PXDN: variants seen among roughly 807,000 people sequenced by gnomAD.
PXDN encodes peroxidasin homolog.
Under a neutral mutation model 140.3 loss-of-function variants are expected in PXDN, and 77 were observed. The observed-to-expected ratio is 0.55, with a 90% CI of 0.46 to 0.66. The LOEUF (loss-of-function observed/expected upper bound fraction) is 0.66. PXDN is among the 30% of genes least tolerant of loss of function. The pLI, the probability that PXDN is intolerant of heterozygous loss-of-function variation, is 0.00. For synonymous variants in PXDN, 911 were observed against 857.4 expected (o/e 1.06, Z -1.09); for missense variants, 1,838 against 2,039.5 (o/e 0.90, Z 1.90).
intron 1 of PXDN, among the ~76,000 whole-genome samples, chr2:1,742,074 G>A (rs999729679): frequency 1.3e-5 from 2 of 152,162 alleles, no homozygotes; most frequent in Admixed American, 6.5e-5. Flanking sequence ...CAGGAGACAC[G>A]GGACTTGCTA....
Position 1,639,360 on chromosome 2 carries a change from C to G in PXDN, c.4015G>C (p.Glu1339Gln). 1 of 1,614,004 alleles carries G rather than the reference C, an allele frequency of 6.2e-7. No individual in the cohort carries two copies. The highest frequency in any genetic ancestry group is 8.5e-7 in the Non-Finnish European group (1 of 1,179,876). The change falls in exon 20 of 23, where the codon GAG becomes CAG. Residue 1339 changes from glutamate (E) to glutamine (Q), a missense_variant. Glu to Gln is a conservative substitution (Grantham distance 29). Around this residue, in one of 5 missense-constraint regions of PXDN, gnomAD observed 850 missense variants for 894.1 expected, o/e 0.95. Coordinates refer to ENST00000252804, the MANE Select transcript of PXDN (RefSeq NM_012293.3). The surrounding 1 kb of genome is among the most constrained non-coding windows in gnomAD (Gnocchi z 5.0). ...GGCTTGTCCTCCTGGTAGCTGAACTCAAGAGACCGTCTGCCTCGGAAATGA... is the reference window on the plus strand; with the variant it reads ...GGCTTGTCCTCCTGGTAGCTGAACTGAAGAGACCGTCTGCCTCGGAAATGA... ...SYHFRGRRSL[E>Q]FSYQEDKPTK...
At position 1,647,353 on chromosome 2, in the gene PXDN, G is replaced by GTGT. The variant is rs1218107768; in HGVS notation, c.3608+818_3608+819insACA. ...TCTGAGTTAATGAGAACCCCACTGT[G>GTGT]GCACCGAGTCCTGGGAAGGGGACTG... On this transcript the variant is annotated intron_variant, in intron 17 of 22. Transcript: ENST00000252804. Among the ~76,000 whole-genome samples, 743 of 152,346 alleles carry GTGT rather than the reference G, an allele frequency of 4.9e-3. 6 individuals carry two copies. The highest frequency in any genetic ancestry group is 0.017 in the African/African-American group (713 of 41,570).
chr2:1,743,419 CGGCTCGCTCCG>C (rs1685594146), intron 1 of PXDN, among the ~76,000 whole-genome samples: 1 of 152,132 alleles, frequency 6.6e-6, no homozygotes, highest in African/African-American at 2.4e-5. Flanking sequence ...CCCGGCCGCC[CGGCTCGCTCCG>C]GGCGCAGGAA....
At chr2:1,673,873 T>TC in intron 8 of PXDN, 61 bp from the exon 9 acceptor site, 2 of 1,570,184 alleles carry the variant, frequency 1.3e-6, no homozygotes, top group Non-Finnish European at 1.7e-6. Context: ...ACCTCACCCA[T>TC]CCCCAGCACA....
chr2:1,648,438 G>A lies in PXDN; in HGVS notation c.3342C>T (p.Ile1114=), dbSNP rs769083609. 10 of 1,610,502 alleles carry A rather than the reference G, an allele frequency of 6.2e-6. No homozygotes were observed. The highest frequency in any genetic ancestry group is 4.2e-6 in the Non-Finnish European group (5 of 1,179,868). ...CGAACAGCCCCCTGAGAAGCGGATC[G>A]ATGCCGCCCTCATTCACAATCCGGA... ...SPFRIVNEGG[I]DPLLRGLFGV... is the part of the protein sequence containing the mutation. Residue 1114 remains isoleucine, a synonymous_variant, in exon 17 of 23, where the codon ATC becomes ATT. Transcript: ENST00000252804. The surrounding 1 kb of genome is among the most constrained non-coding windows in gnomAD (Gnocchi z 8.9).
intron 12 of PXDN, among the ~76,000 whole-genome samples, chr2:1,662,708 T>C (rs11675311): frequency 0.77 from 117,271 of 152,186 alleles, 45,865 homozygotes; most frequent in East Asian, 0.98. Context: ...CACCCAGCGT[T>C]CTGCTAGGTC....
In PXDN at chr2:1,649,237, C is replaced by T; in HGVS notation, c.2543G>A (p.Ser848Asn). ...QARFSDGQHC[S>N]NVCSNDPPCF... ...GGGGGGGTCGTTGCTGCACACGTTG[C>T]TGCAGTGCTGTCCGTCGGAGAAGCG... Residue 848 changes from serine to asparagine, a missense_variant, in exon 17 of 23, where the codon AGC becomes AAC. This residue lies in a region of PXDN where 850 missense variants were observed against 894.1 expected (regional missense o/e 0.95). Transcript: ENST00000252804. The surrounding 1 kb of genome is among the most constrained non-coding windows in gnomAD (Gnocchi z 7.1). The T allele has an allele frequency of 6.2e-7, 1 of 1,613,162 alleles. No individual in the cohort carries two copies. The highest frequency in any genetic ancestry group is 8.5e-7 in the Non-Finnish European group (1 of 1,179,770).
At chr2:1,711,615 ACT>A (rs1350258013) in intron 1 of PXDN, among the ~76,000 whole-genome samples, 31 of 28,282 alleles carry the variant, frequency 1.1e-3, no homozygotes, top group South Asian at 4.1e-3. Flanking sequence ...ACCAGCACCC[ACT>A]CTCCACCAGC....
chr2:1,669,446 T>C (rs1683524746), intron 9 of PXDN, among the ~76,000 whole-genome samples: 1 of 152,208 alleles, frequency 6.6e-6, no homozygotes, highest in South Asian at 2.1e-4. Context: ...TCAGCACATA[T>C]ATCCCAGAAC....
Position 1,663,773 on chromosome 2 carries a change from C to A in PXDN, c.1409-10G>T. The A allele has an allele frequency of 6.2e-7, 1 of 1,610,910 alleles. No homozygotes were observed. The highest frequency in any genetic ancestry group is 1.1e-5 in the South Asian group (1 of 91,014). On this transcript the variant is annotated splice_polypyrimidine_tract_variant and intron_variant, in intron 11 of 22. Coordinates refer to ENST00000252804, the MANE Select transcript of PXDN (RefSeq NM_012293.3). ...ACGGAGAGCTGGCTCCCTGCAAGGG[C>A]ATGGGCCCGTTACACTGGACACTCG... is the stretch of plus-strand genomic sequence containing the variant.
chr2:1,662,057 C>A lies in PXDN; in HGVS notation c.1680+15G>T. 1 of 1,569,148 alleles carries A rather than the reference C, an allele frequency of 6.4e-7. No homozygotes were observed. The highest frequency in any genetic ancestry group is 8.6e-7 in the Non-Finnish European group (1 of 1,156,960). On this transcript the variant is annotated intron_variant, in intron 13 of 22. Transcript: ENST00000252804. ...GTATCTGGGTGGTGGCTGGCTCGGG[C>A]ACCAGACCGCCTACCTTGTTCCAGG...
chr2:1,647,096 A>G (rs552370409), intron 17 of PXDN, among the ~76,000 whole-genome samples: 1 of 152,140 alleles, frequency 6.6e-6, no homozygotes, highest in Non-Finnish European at 1.5e-5. Context: ...GAGTTTCACC[A>G]TCTTGGCCAG....
At chr2:1,710,451 T>C (rs1175283450) in intron 1 of PXDN, among the ~76,000 whole-genome samples, 1 of 151,876 alleles carries the variant, frequency 6.6e-6, no homozygotes, top group East Asian at 1.9e-4. Flanking sequence ...ACATGTTAGA[T>C]GAGCACCCGT....
chr2:1,644,200 A>C (rs1432830380), intron 18 of PXDN, among the ~76,000 whole-genome samples: 2 of 151,984 alleles, frequency 1.3e-5, no homozygotes, highest in African/African-American at 2.4e-5. Flanking sequence ...CTGCTGAAAT[A>C]GTTTGTAATA....
Position 1,648,675 on chromosome 2 carries a change from G to T in PXDN, c.3105C>A (p.Leu1035=). The change falls in exon 17 of 23, where the codon CTC becomes CTA. Residue 1035 remains leucine, a synonymous_variant. Transcript: ENST00000252804. The surrounding 1 kb of genome is among the most constrained non-coding windows in gnomAD (Gnocchi z 8.9). The stretch of plus-strand genomic sequence containing the variant: ...TGCCCACCTCCCCCAGGATCTTCGG[G>T]AGCCAGTGCTGGTAGGTGATGTGCT... The part of the protein sequence containing the change: ...EIQHITYQHW[L]PKILGEVGMR... The T allele has an allele frequency of 6.2e-7, 1 of 1,608,816 alleles. No individual in the cohort carries two copies.
rs1180116375 is a variant in PXDN at position 1,644,747 on chromosome 2, T to A, written c.3614A>T (p.Tyr1205Phe). ...PEIREKLKRL[Y>F]GSTLNIDLFP... ...CAGGTCGATGTTGAGTGTCGAGCCATACAACCTAAAAAATAAAGAGAAAAC... is the reference window on the plus strand; with the variant it reads ...CAGGTCGATGTTGAGTGTCGAGCCAAACAACCTAAAAAATAAAGAGAAAAC... Residue 1205 changes from tyrosine (Y) to phenylalanine (F), a missense_variant, in exon 18 of 23, where the codon TAT becomes TTT. Physicochemically the swap from Tyr to Phe is conservative, Grantham distance 22. Coordinates refer to ENST00000252804, the MANE Select transcript of PXDN (RefSeq NM_012293.3). The A allele has an allele frequency of 3.9e-6, 6 of 1,526,894 alleles. No individual in the cohort carries two copies. Among genetic ancestry groups the A allele is most frequent in the Non-Finnish European group, 5.3e-6 (6 of 1,129,432 alleles). 94.6% of individuals were successfully genotyped at this position (1,526,894 alleles called of 1,614,324 possible).
Position 1,649,986 on chromosome 2 carries a change from C to A in PXDN, c.2105-311G>T, listed in dbSNP as rs187096947. 2.0e-5 allele frequency among the ~76,000 whole-genome samples: 3 copies of A among 152,102 alleles called. No individual in the cohort carries two copies. Among genetic ancestry groups the A allele is most frequent in the Non-Finnish European group, 4.4e-5 (3 of 68,016 alleles). ...AGCTCTCCTCTGGGAGACCCCTAAC[C>A]GATGGAGCCCGACCCACGTTGACCA... On this transcript the variant is annotated intron_variant, in intron 16 of 22. Transcript: ENST00000252804. The surrounding 1 kb of genome is among the most constrained non-coding windows in gnomAD (Gnocchi z 7.1).
intron 1 of PXDN, among the ~76,000 whole-genome samples, chr2:1,735,271 T>A (rs1248996719): frequency 6.6e-6 from 1 of 152,202 alleles, no homozygotes; most frequent in Non-Finnish European, 1.5e-5. Flanking sequence ...GACCCCCCCA[T>A]GAATCAAAAA....
intron 1 of PXDN, among the ~76,000 whole-genome samples, chr2:1,726,996 GA>G (rs765290903): frequency 4.6e-5 from 7 of 152,338 alleles, no homozygotes; most frequent in Non-Finnish European, 7.3e-5. Context: ...CCGGAAGGCA[GA>G]AAGTGTTGTC....
Sources: allele counts gnomAD v4.1 joint callset (sites outside exome capture counted in the v4.1 genomes callset), GRCh38; gene constraint gnomAD v4.1.1; regional missense constraint gnomAD v4.1.1; non-coding constraint Gnocchi (gnomAD v3.1); transcripts MANE v1.5; gene names NCBI Gene and HGNC (gene_info 2026-07-23, HGNC 2026-07-21).